Variants in MIA3 observed in about 807,000 individuals in gnomAD.
MIA3 encodes the protein MIA SH3 domain ER export factor 3, also known as transport and Golgi organization protein 1 homolog.
MIA3 carries 90 observed loss-of-function variants against 192.4 expected under a neutral mutation model. The observed-to-expected ratio is 0.47, with a 90% confidence interval of 0.39 to 0.56. MIA3 has a LOEUF of 0.56. Ranked by LOEUF, MIA3 falls within the 20% of genes least tolerant of loss-of-function variation. The pLI, the probability that MIA3 is intolerant of heterozygous loss-of-function variation, is 0.00. For missense variants in MIA3, 2,123 were observed against 2,269.4 expected, an observed-to-expected ratio of 0.94 and a Z score of 1.31; for synonymous variants, 740 against 792.8, an observed-to-expected ratio of 0.93 and a Z score of 1.12.
chr1:222,641,986 T>C, intron 6 of MIA3: 1 of 357,514 alleles, frequency 2.8e-6, no homozygotes, highest in South Asian at 2.2e-5. Context: ...CCATTATAGA[T>C]ATGTGCAGCA....
chr1:222,651,154 G>A (rs1439778168), intron 11 of MIA3, among the ~76,000 whole-genome samples: 1 of 151,274 alleles, frequency 6.6e-6, no homozygotes, highest in African/African-American at 2.4e-5. Flanking sequence ...TCCGAAACAT[G>A]TGGAACAACT....
chr1:222,665,483 C>T lies in MIA3; in HGVS notation c.5588C>T (p.Pro1863Leu). The change falls in exon 28 of 28, where the codon CCA becomes CTA. Residue 1863 changes from proline (P) to leucine (L), a missense_variant. Physicochemically the swap from Pro to Leu is moderately conservative, Grantham distance 98. This residue lies in a region of MIA3 where 762 missense variants were observed against 856.4 expected (regional missense o/e 0.89). Coordinates refer to ENST00000344922, the MANE Select transcript of MIA3 (RefSeq NM_198551.4). ...YFIPGTRLPP[P>L]THGPQEYPPP... ...ATTCCTGGTACCCGATTACCACCCCCAACCCATGGTCCCCAGGAATACCCA... is the reference window on the plus strand; with the variant it reads ...ATTCCTGGTACCCGATTACCACCCCTAACCCATGGTCCCCAGGAATACCCA... 2 of 1,614,070 alleles carry T rather than the reference C, an allele frequency of 1.2e-6. No individual in the cohort carries two copies. Among genetic ancestry groups the T allele is most frequent in the African/African-American group, 2.7e-5 (2 of 74,996 alleles).
Position 222,665,480 on chromosome 1 carries a change from C to T in MIA3, c.5585C>T (p.Pro1862Leu), listed in dbSNP as rs1053365. The change falls in exon 28 of 28, where the codon CCC becomes CTC. Residue 1862 changes from proline to leucine, a missense_variant. Pro to Leu is a moderately conservative substitution (Grantham distance 98, BLOSUM62 -3). This residue lies in a region of MIA3 where 762 missense variants were observed against 856.4 expected (regional missense o/e 0.89). Coordinates refer to ENST00000344922, the MANE Select transcript of MIA3 (RefSeq NM_198551.4). ...TTTATTCCTGGTACCCGATTACCAC[C>T]CCCAACCCATGGTCCCCAGGAATAC... The part of the protein sequence containing the change: ...EYFIPGTRLP[P>L]PTHGPQEYPP... 1 of 1,613,990 alleles carries T rather than the reference C, an allele frequency of 6.2e-7. No homozygotes were observed. Among genetic ancestry groups the T allele is most frequent in the South Asian group, 1.1e-5 (1 of 91,058 alleles).
chr1:222,665,294 A>T lies in MIA3; in HGVS notation c.5414-15A>T. On this transcript the variant is annotated splice_polypyrimidine_tract_variant and intron_variant, in intron 27 of 27. Coordinates refer to ENST00000344922, the MANE Select transcript of MIA3 (RefSeq NM_198551.4). ...CGTTCCTAGGAATTTACTGGAAATA[A>T]TTTTTGTTTTCCAGGCCCTGGTATG... is the stretch of plus-strand genomic sequence containing the variant. 2 of 1,563,730 alleles carry T rather than the reference A, an allele frequency of 1.3e-6. No homozygotes were observed. The highest frequency in any genetic ancestry group is 1.7e-6 in the Non-Finnish European group (2 of 1,156,220).
intron 2 of MIA3, among the ~76,000 whole-genome samples, chr1:222,623,079 TATTTCCTGACGAGGC>T (rs1474376190): frequency 1.3e-5 from 2 of 152,232 alleles, no homozygotes; most frequent in Admixed American, 6.5e-5. Flanking sequence ...TCTTTTTCAG[TATTTCCTGACGAGGC>T]AGTGGCATTT....
Position 222,638,799 on chromosome 1 carries a change from T to C in MIA3, c.3477+5550T>C, listed in dbSNP as rs538217893. ...GGGAAATGTATAGCACTACCTATAT[T>C]AGAAAAAAAAGGAAAGGTCTCAAAT... is the stretch of plus-strand genomic sequence containing the variant. On this transcript the variant is annotated intron_variant, in intron 6 of 27. Coordinates refer to ENST00000344922, the MANE Select transcript of MIA3 (RefSeq NM_198551.4). Among the ~76,000 whole-genome samples the C allele has an allele frequency of 1.4e-4, 21 of 151,926 alleles. No homozygotes were observed. In the East Asian group the frequency reaches 4.1e-3, roughly 29 times the overall value.
In MIA3 at chr1:222,666,905, A is replaced by G. The variant is rs1664318249; in HGVS notation, c.*1286A>G. Reference sequence around the variant, plus strand: ...TTCAGACATTTTAATTACAGTAATAATAGCACTCCTTTTAAGGAGTTTCAG... The same window carrying G: ...TTCAGACATTTTAATTACAGTAATAGTAGCACTCCTTTTAAGGAGTTTCAG... On this transcript the variant is annotated 3_prime_UTR_variant, in exon 28 of 28. Coordinates refer to ENST00000344922, the MANE Select transcript of MIA3 (RefSeq NM_198551.4). 1 of 152,078 alleles carries G rather than the reference A, an allele frequency of 6.6e-6. No individual in the cohort carries two copies. The highest frequency in any genetic ancestry group is 2.4e-5 in the African/African-American group (1 of 41,472). 9.4% of individuals were successfully genotyped at this position (152,078 alleles called of 1,614,324 possible).
At chr1:222,636,055 G>C (rs569790336) in intron 6 of MIA3, among the ~76,000 whole-genome samples, 13 of 152,220 alleles carry the variant, frequency 8.5e-5, no homozygotes, top group African/African-American at 3.1e-4. Flanking sequence ...ATATACAAAA[G>C]CAGAGAATCC....
chr1:222,647,422 T>C (rs1663199824), intron 7 of MIA3, among the ~76,000 whole-genome samples: 1 of 152,200 alleles, frequency 6.6e-6, no homozygotes, highest in Admixed American at 6.5e-5. Context: ...TTTCTAAAAC[T>C]GAGTACTCTT....
chr1:222,664,069 T>C lies in MIA3; in HGVS notation c.5334T>C (p.Pro1778=). The C allele has an allele frequency of 6.2e-7, 1 of 1,614,178 alleles. No homozygotes were observed. Among genetic ancestry groups the C allele is most frequent in the Non-Finnish European group, 8.5e-7 (1 of 1,179,998 alleles). The change falls in exon 27 of 28, where the codon CCT becomes CCC. Residue 1778 remains proline (P), a synonymous_variant. Coordinates refer to ENST00000344922, the MANE Select transcript of MIA3 (RefSeq NM_198551.4). The part of the protein sequence containing the change: ...VPLMSTPMGG[P]VPPPIRYGPP... ...TCATGAGCACCCCCATGGGAGGCCC[T>C]GTACCACCACCCATTCGATATGGAC... is the stretch of plus-strand genomic sequence containing the variant.
chr1:222,621,208 T>C lies in MIA3; in HGVS notation c.183T>C (p.Cys61=), dbSNP rs756384684. 13 of 1,613,934 alleles carry C rather than the reference T, an allele frequency of 8.1e-6. No homozygotes were observed. The highest frequency in any genetic ancestry group is 1.1e-5 in the Non-Finnish European group (13 of 1,179,856). The change falls in exon 2 of 28, where the codon TGT becomes TGC. Residue 61 remains cysteine, a synonymous_variant. Coordinates refer to ENST00000344922, the MANE Select transcript of MIA3 (RefSeq NM_198551.4). ...EALEDFTGPD[C]RFVNFKKGDP... is the part of the protein sequence containing the mutation. Reference sequence around the variant, plus strand: ...TTGAAGATTTCACAGGCCCGGATTGTCGTTTTGTGAATTTTAAAAAAGGTG... The same window carrying C: ...TTGAAGATTTCACAGGCCCGGATTGCCGTTTTGTGAATTTTAAAAAAGGTG...
intron 9 of MIA3, 21 bp from the exon 10 acceptor site, chr1:222,650,613 T>G: frequency 6.7e-7 from 1 of 1,486,928 alleles, no homozygotes; most frequent in Non-Finnish European, 9.2e-7. Flanking sequence ...TTCTGGATTC[T>G]GAATGCTTTA....
chr1:222,660,136 A>G, intron 23 of MIA3, 41 bp from the exon 24 acceptor site: 1 of 1,599,912 alleles, frequency 6.3e-7, no homozygotes. Context: ...TAAAGAAAAA[A>G]AGGCTGTCTT....
intron 19 of MIA3, chr1:222,659,134 A>G (rs1335572274): frequency 7.1e-6 from 3 of 419,664 alleles, no homozygotes; most frequent in Non-Finnish European, 1.3e-5. Flanking sequence ...TAACTTTGGG[A>G]AAATTTTTAT....
Position 222,665,394 on chromosome 1 carries a change from G to A in MIA3, c.5499G>A (p.Arg1833=). The change falls in exon 28 of 28, where the codon CGG becomes CGA. Residue 1833 remains arginine (R), a synonymous_variant. Coordinates refer to ENST00000344922, the MANE Select transcript of MIA3 (RefSeq NM_198551.4). Reference sequence around the variant, plus strand: ...GACGGGACCTGCCTCTCCACCCTCGGGGATTTTTACCTGGACACGCACCAT... The same window carrying A: ...GACGGGACCTGCCTCTCCACCCTCGAGGATTTTTACCTGGACACGCACCAT... ...PGRRDLPLHP[R]GFLPGHAPFR... 1.9e-6 allele frequency: 3 copies of A among 1,613,854 alleles called. No homozygotes were observed. The highest frequency in any genetic ancestry group is 2.5e-6 in the Non-Finnish European group (3 of 1,179,946).
chr1:222,631,812 C>T (rs1662409260), intron 4 of MIA3, among the ~76,000 whole-genome samples: 1 of 152,208 alleles, frequency 6.6e-6, no homozygotes, highest in African/African-American at 2.4e-5. Flanking sequence ...TGCAAGAGTT[C>T]ATGTTACTTC....
chr1:222,651,145 C>G (rs1366698520), intron 11 of MIA3, among the ~76,000 whole-genome samples: 5 of 151,560 alleles, frequency 3.3e-5, no homozygotes, highest in Non-Finnish European at 2.9e-5. Context: ...GCTCTGCCCT[C>G]CGAAACATGT....
chr1:222,641,463 A>C (rs188125101), intron 6 of MIA3: 34 of 497,932 alleles, frequency 6.8e-5, no homozygotes, highest in Admixed American at 5.9e-4. Context: ...GGGCTGCTGA[A>C]TCGTCTGGCT....
intron 27 of MIA3, 53 bp downstream of exon 27, chr1:222,664,201 C>A: frequency 1.3e-6 from 2 of 1,582,132 alleles, no homozygotes; most frequent in Non-Finnish European, 1.7e-6. Context: ...TCATCTTCTC[C>A]ATCTATCCCT....
Sources: allele counts gnomAD v4.1 joint callset (sites outside exome capture counted in the v4.1 genomes callset), GRCh38; gene constraint gnomAD v4.1.1; regional missense constraint gnomAD v4.1.1; transcripts MANE v1.5; gene names NCBI Gene and HGNC (gene_info 2026-07-23, HGNC 2026-07-21).